RAB38: variants seen among roughly 807,000 people sequenced by gnomAD.
RAB38 encodes the protein ras-related protein Rab-38.
Under a neutral mutation model 18.4 loss-of-function variants are expected in RAB38, and 15 were observed. The observed-to-expected ratio is 0.82, with a 90% confidence interval of 0.55 to 1.26. RAB38 has a LOEUF of 1.26. Ranked by LOEUF, RAB38 falls within the 50% of genes most tolerant of loss-of-function variation. The pLI is 0.00. For missense variants in RAB38, 294 were observed against 267.4 expected (o/e 1.10, Z -0.69); for synonymous variants, 101 against 104.4 (o/e 0.97, Z 0.20).
chr11:87,977,839 G>GTA, the RAB38 span, among the ~76,000 whole-genome samples: 1 of 96,786 alleles, frequency 1.0e-5, no homozygotes, highest in East Asian at 3.0e-4. Flanking sequence ...ATATAATCAT[G>GTA]TATATTAATG....
the RAB38 span, among the ~76,000 whole-genome samples, chr11:87,886,751 T>C: frequency 6.6e-6 from 1 of 151,614 alleles, no homozygotes; most frequent in Non-Finnish European, 1.5e-5. Context: ...GAAAGAAAGA[T>C]GAGCTGATTA....
At chr11:87,828,835 A>G in the RAB38 span, among the ~76,000 whole-genome samples, 655 of 152,322 alleles carry the variant, frequency 4.3e-3, 1 homozygote, top group African/African-American at 0.015. Context: ...GTGATGAATG[A>G]TTATAAATGC....
At chr11:87,931,083 G>T in the RAB38 span, among the ~76,000 whole-genome samples, 15 of 152,168 alleles carry the variant, frequency 9.9e-5, no homozygotes, top group South Asian at 2.7e-3. Flanking sequence ...TAAAGTAGTT[G>T]TTTCCAATTC....
At chr11:87,939,045 T>C in the RAB38 span, among the ~76,000 whole-genome samples, 1 of 152,110 alleles carries the variant, frequency 6.6e-6, no homozygotes. Context: ...ATACTATCCA[T>C]TTTAGAGTAT....
the RAB38 span, among the ~76,000 whole-genome samples, chr11:87,866,040 C>A: frequency 6.6e-6 from 1 of 151,652 alleles, no homozygotes; most frequent in African/African-American, 2.4e-5. Flanking sequence ...AATTCGGAGT[C>A]TCAGAAAGTA....
At chr11:88,028,247 AC>A in the RAB38 span, among the ~76,000 whole-genome samples, 1 of 152,162 alleles carries the variant, frequency 6.6e-6, no homozygotes, top group African/African-American at 2.4e-5. Flanking sequence ...ATAATCAAAG[AC>A]CAAAAGTAGA....
chr11:88,120,525 G>A (rs1373006157), intron 2 of RAB38, among the ~76,000 whole-genome samples: 1 of 152,240 alleles, frequency 6.6e-6, no homozygotes, highest in South Asian at 2.1e-4. Context: ...ACCAGAGTTT[G>A]GTGTAACAGT....
chr11:87,846,380 TTAAAG>T, the RAB38 span, among the ~76,000 whole-genome samples: 9 of 151,958 alleles, frequency 5.9e-5, no homozygotes, highest in Admixed American at 1.3e-4. Context: ...ACAAATAAGT[TTAAAG>T]TAAATGAATG....
At chr11:87,937,327 T>TATATATAC in the RAB38 span, among the ~76,000 whole-genome samples, 1 of 90,216 alleles carries the variant, frequency 1.1e-5, no homozygotes, top group Non-Finnish European at 2.1e-5. Context: ...TATATATATA[T>TATATATAC]ATATATATAT....
chr11:87,936,352 TATTA>T, the RAB38 span, among the ~76,000 whole-genome samples: 1 of 152,142 alleles, frequency 6.6e-6, no homozygotes, highest in Admixed American at 6.6e-5. Context: ...TTTATTTATT[TATTA>T]TTTATTGGAT....
the RAB38 span, among the ~76,000 whole-genome samples, chr11:88,025,626 G>A: frequency 6.6e-6 from 1 of 152,126 alleles, no homozygotes; most frequent in Non-Finnish European, 1.5e-5. Flanking sequence ...CTGATAATAA[G>A]TGATATGGAG....
the RAB38 span, among the ~76,000 whole-genome samples, chr11:88,024,383 T>C: frequency 3.3e-5 from 5 of 152,244 alleles, no homozygotes; most frequent in East Asian, 9.7e-4. Flanking sequence ...AGTCAGGCTA[T>C]AGCAAATGCT....
chr11:88,058,083 G>T, the RAB38 span, among the ~76,000 whole-genome samples: 5 of 152,110 alleles, frequency 3.3e-5, no homozygotes, highest in Non-Finnish European at 7.4e-5. Context: ...ATGTGCAAAA[G>T]GAAAAGATAA....
At chr11:88,070,774 C>T in the RAB38 span, among the ~76,000 whole-genome samples, 1 of 152,220 alleles carries the variant, frequency 6.6e-6, no homozygotes, top group South Asian at 2.1e-4. Flanking sequence ...AACAAGCAGT[C>T]CACAAAATGT....
At chr11:87,924,159 T>C in the RAB38 span, among the ~76,000 whole-genome samples, 4 of 151,994 alleles carry the variant, frequency 2.6e-5, no homozygotes, top group African/African-American at 4.8e-5. Context: ...ATGTGACTGA[T>C]GAGAGAAGGA....
the RAB38 span, among the ~76,000 whole-genome samples, chr11:87,833,082 C>G: frequency 1.3e-5 from 2 of 152,242 alleles, no homozygotes; most frequent in African/African-American, 4.8e-5. Flanking sequence ...TGCTTTTGTT[C>G]TTGCTCCTTT....
At chr11:88,071,377 G>A in the RAB38 span, among the ~76,000 whole-genome samples, 4 of 152,054 alleles carry the variant, frequency 2.6e-5, no homozygotes, top group Non-Finnish European at 5.9e-5. Context: ...ACAAGGCCCA[G>A]CAAGATCTAC....
chr11:87,850,130 C>T, the RAB38 span, among the ~76,000 whole-genome samples: 3 of 152,280 alleles, frequency 2.0e-5, no homozygotes, highest in East Asian at 1.9e-4. Flanking sequence ...CAAAGACTCA[C>T]TCAACCTATC....
the RAB38 span, among the ~76,000 whole-genome samples, chr11:88,013,680 T>C: frequency 1.3e-5 from 2 of 152,012 alleles, no homozygotes; most frequent in Non-Finnish European, 2.9e-5. Context: ...AGGACCGAGA[T>C]GGATAAAAAG....
Sources: allele counts gnomAD v4.1 joint callset (sites outside exome capture counted in the v4.1 genomes callset), GRCh38; gene constraint gnomAD v4.1.1; transcripts MANE v1.5; gene names NCBI Gene and HGNC (gene_info 2026-07-23, HGNC 2026-07-21).